Variants in SYNE1 observed in about 807,000 individuals in gnomAD.
SYNE1 encodes spectrin repeat containing nuclear envelope protein 1, also known as nesprin-1.
Under a neutral mutation model 1,111.0 loss-of-function variants are expected in SYNE1, and 616 were observed. The ratio of observed to expected loss-of-function variants is 0.55; its 90% CI spans 0.52 to 0.59. SYNE1 has a LOEUF of 0.59. SYNE1 is among the 20% of genes least tolerant of loss of function. The pLI, the probability that SYNE1 is intolerant of heterozygous loss-of-function variation, is 0.00. For synonymous variants in SYNE1, 3,855 were observed against 3,825.8 expected (o/e 1.01, Z -0.28); for missense variants, 10,006 against 10,417.0 (o/e 0.96, Z 1.72).
At position 152,511,598 on chromosome 6, in the gene SYNE1, T is replaced by C. The variant is rs1171077423; in HGVS notation, c.310-495A>G. The C allele has an allele frequency of 1.9e-6, 3 of 1,612,228 alleles. No homozygotes were observed. Among genetic ancestry groups the C allele is most frequent in the East Asian group, 2.2e-5 (1 of 44,770 alleles). On this transcript the variant is annotated intron_variant, in intron 6 of 145. Transcript: ENST00000367255. The stretch of plus-strand genomic sequence containing the variant: ...GTGATCCTCTGTGCATGGACTGACA[T>C]GAAAAACAAAGGGAGAAGATAATAG...
chr6:152,179,886 T>C (rs1380659545), intron 129 of SYNE1, among the ~76,000 whole-genome samples: 2 of 151,956 alleles, frequency 1.3e-5, no homozygotes, highest in Admixed American at 6.6e-5. Context: ...GGTTTCACCA[T>C]GTTGGCCAGG....
At chr6:152,262,976 GA>G (rs2092233760) in intron 100 of SYNE1, among the ~76,000 whole-genome samples, 2 of 151,554 alleles carry the variant, frequency 1.3e-5, no homozygotes, top group South Asian at 4.2e-4. Flanking sequence ...ACAGGACATG[GA>G]GGGGTAATAC....
chr6:152,580,590 C>T (rs1402868555), intron 3 of SYNE1, among the ~76,000 whole-genome samples: 1 of 152,024 alleles, frequency 6.6e-6, no homozygotes, highest in African/African-American at 2.4e-5. Context: ...TTTGCCAGGG[C>T]CTATGTCTAG....
At chr6:152,536,105 T>C (rs1316467982) in intron 4 of SYNE1, among the ~76,000 whole-genome samples, 1 of 151,646 alleles carries the variant, frequency 6.6e-6, no homozygotes, top group Non-Finnish European at 1.5e-5. Context: ...GAGATATCTC[T>C]GCTCTGGAAC....
chr6:152,319,003 T>C lies in SYNE1; in HGVS notation c.16249A>G (p.Ile5417Val), dbSNP rs528055779. The C allele has an allele frequency of 1.9e-5, 30 of 1,614,168 alleles. No individual in the cohort carries two copies. In the East Asian group the frequency reaches 6.0e-4, roughly 32 times the overall value. The change falls in exon 85 of 146, where the codon ATA (isoleucine) becomes GTA (valine). Residue 5417 changes from isoleucine (I) to valine (V), a missense_variant. Physicochemically the swap from Ile to Val is conservative, Grantham distance 29. Coordinates refer to ENST00000367255, the MANE Select transcript of SYNE1 (RefSeq NM_182961.4). ...GCCTTGCTCTGCTCAACTTCTTTTA[T>C]TTTGTCTTGGATCTAAAAAAATCAG... is the stretch of plus-strand genomic sequence containing the variant. ...LKIRDQIQDK[I>V]KEVEQSKATS...
At chr6:152,247,139 G>T (rs1310601316) in intron 105 of SYNE1, among the ~76,000 whole-genome samples, 4 of 152,158 alleles carry the variant, frequency 2.6e-5, no homozygotes, top group African/African-American at 4.8e-5. Flanking sequence ...AATCCAAGAA[G>T]ACAACTGTGC....
chr6:152,231,232 G>C (rs189106315), intron 114 of SYNE1, among the ~76,000 whole-genome samples, 159 bp downstream of exon 114: 43 of 152,286 alleles, frequency 2.8e-4, no homozygotes, highest in Admixed American at 2.7e-3. Flanking sequence ...ATCATCAACA[G>C]GTTAAAGGAA....
intron 104 of SYNE1, among the ~76,000 whole-genome samples, chr6:152,252,364 C>T (rs1013450525): frequency 6.6e-6 from 1 of 152,068 alleles, no homozygotes; most frequent in African/African-American, 2.4e-5. Context: ...TTCTTTCATT[C>T]ATTTTCCAAT....
At position 152,358,385 on chromosome 6, in the gene SYNE1, C is replaced by T. The variant is rs765669433; in HGVS notation, c.10596G>A (p.Leu3532=). ...EGDAHTHETT[L]RDLQELQVHC... is the part of the protein sequence containing the mutation. ...AAGGAGGCCTTACCTGAAGATCACG[C>T]AATGTTGTCTCATGAGTGTGGGCAT... The change falls in exon 66 of 146, where the codon TTG becomes TTA. Residue 3532 remains leucine, a synonymous_variant. Coordinates refer to ENST00000367255, the MANE Select transcript of SYNE1 (RefSeq NM_182961.4). 5 of 1,614,120 alleles carry T rather than the reference C, an allele frequency of 3.1e-6. No homozygotes were observed. Among genetic ancestry groups the T allele is most frequent in the Middle Eastern group, 1.7e-4 (1 of 6,060 alleles).
chr6:152,606,472 T>G (rs567681733), intron 3 of SYNE1, among the ~76,000 whole-genome samples: 1 of 152,328 alleles, frequency 6.6e-6, no homozygotes, highest in East Asian at 1.9e-4. Context: ...AATCTTACCT[T>G]TAACAGTATC....
At chr6:152,255,140 T>A (rs749095625) in intron 103 of SYNE1, 51 bp from the exon 104 acceptor site, 2 of 1,406,466 alleles carry the variant, frequency 1.4e-6, no homozygotes, top group Non-Finnish European at 9.8e-7. Flanking sequence ...TGAATTGATA[T>A]GCAAATCATG....
Position 152,462,789 on chromosome 6 carries a change from T to C in SYNE1, c.2199A>G (p.Glu733=). 1 of 1,613,982 alleles carries C rather than the reference T, an allele frequency of 6.2e-7. No homozygotes were observed. Among genetic ancestry groups the C allele is most frequent in the Non-Finnish European group, 8.5e-7 (1 of 1,179,928 alleles). ...CATTCATAAAAGAGACTTCTAAGGG[T>C]TCAGAAAGTTTCTTATGGGCTTCCG... ...FATEAHKKLS[E]PLEVSFMNVK... The change falls in exon 20 of 146, where the codon GAA becomes GAG. Residue 733 remains glutamate (E), a synonymous_variant. Coordinates refer to ENST00000367255, the MANE Select transcript of SYNE1 (RefSeq NM_182961.4).
At chr6:152,154,217 T>C (rs1345225838) in intron 133 of SYNE1, among the ~76,000 whole-genome samples, 1 of 152,168 alleles carries the variant, frequency 6.6e-6, no homozygotes, top group Admixed American at 6.5e-5. Flanking sequence ...AGCTTCATTG[T>C]ACAACAGTGA....
At chr6:152,496,031 CCA>C (rs1593989571) in intron 11 of SYNE1, among the ~76,000 whole-genome samples, 1 of 152,124 alleles carries the variant, frequency 6.6e-6, no homozygotes, top group Admixed American at 6.6e-5. Flanking sequence ...CTTTGCATTT[CCA>C]GTGTTGCACA....
intron 130 of SYNE1, chr6:152,167,970 A>G (rs750931160): frequency 3.9e-6 from 3 of 777,312 alleles, no homozygotes; most frequent in Middle Eastern, 4.5e-4. Context: ...GGGAGTCCAC[A>G]TGGCCAGCTA....
At chr6:152,247,750 T>TATATATATACACAC (rs1432898834) in intron 105 of SYNE1, among the ~76,000 whole-genome samples, 23 of 112,376 alleles carry the variant, frequency 2.0e-4, no homozygotes, top group African/African-American at 6.4e-4. Flanking sequence ...TATATATATA[T>TATATATATACACAC]ACACACACAC....
chr6:152,599,527 G>C (rs980430949), intron 3 of SYNE1, among the ~76,000 whole-genome samples: 2 of 152,180 alleles, frequency 1.3e-5, no homozygotes, highest in African/African-American at 4.8e-5. Flanking sequence ...CTGTCTACAA[G>C]AGCCAGATAC....
chr6:152,206,631 C>T (rs1331788985), intron 125 of SYNE1, among the ~76,000 whole-genome samples: 4 of 152,080 alleles, frequency 2.6e-5, no homozygotes, highest in Non-Finnish European at 5.9e-5. Flanking sequence ...ACATCTGACC[C>T]AGCAGGGGGC....
At chr6:152,472,708 T>C in intron 14 of SYNE1, 1 of 685,032 alleles carries the variant, frequency 1.5e-6, no homozygotes, top group Non-Finnish European at 2.6e-6. Flanking sequence ...CAAAGGAAAA[T>C]GTAATTACTG....
Sources: gnomAD v4.1 joint callset for allele counts (sites outside exome capture counted in the v4.1 genomes callset) on GRCh38, gnomAD v4.1.1 for gene constraint, MANE v1.5 for transcripts, NCBI Gene and HGNC (gene_info 2026-07-23, HGNC 2026-07-21) for gene names.